NDUFS6: variants seen among roughly 807,000 people sequenced by gnomAD.
NDUFS6 encodes NADH:ubiquinone oxidoreductase subunit S6, also known as NADH dehydrogenase [ubiquinone] iron-sulfur protein 6, mitochondrial.
NDUFS6 carries 14 observed loss-of-function variants against 13.2 expected under a neutral mutation model. That is an observed-to-expected ratio of 1.06 (90% CI 0.70 to 1.66). The LOEUF is 1.66. NDUFS6 is among the 40% of genes most tolerant of loss of function. NDUFS6 has a pLI of 0.00. For missense variants in NDUFS6, 206 were observed against 170.8 expected, an observed-to-expected ratio of 1.21 and a Z score of -1.15; for synonymous variants, 95 against 72.3, an observed-to-expected ratio of 1.31 and a Z score of -1.60.
chr5:1,815,765 G>GT, intron 3 of NDUFS6, 86 bp from the exon 4 acceptor site: 2 of 1,377,312 alleles, frequency 1.5e-6, no homozygotes, highest in African/African-American at 2.9e-5. Context: ...GACAGTCTAA[G>GT]TTTTATACAT....
chr5:1,809,381 C>CG (rs745664643), intron 2 of NDUFS6, among the ~76,000 whole-genome samples: 1 of 152,172 alleles, frequency 6.6e-6, no homozygotes, highest in Non-Finnish European at 1.5e-5. Context: ...GAACCCAGAG[C>CG]GGGGCTTTGT....
chr5:1,802,584 A>G (rs1734065835), intron 2 of NDUFS6, among the ~76,000 whole-genome samples: 1 of 152,218 alleles, frequency 6.6e-6, no homozygotes, highest in Non-Finnish European at 1.5e-5. Flanking sequence ...TTGTAGCCGT[A>G]GTTCTGGTTT....
intron 3 of NDUFS6, among the ~76,000 whole-genome samples, chr5:1,815,462 G>T (rs2111364235): frequency 6.6e-6 from 1 of 152,364 alleles, no homozygotes; most frequent in Non-Finnish European, 1.5e-5. Context: ...GGCATAAATG[G>T]TTAAGCAGCC....
chr5:1,801,623 G>T, intron 1 of NDUFS6, 74 bp downstream of exon 1: 2 of 1,509,946 alleles, frequency 1.3e-6, no homozygotes, highest in Non-Finnish European at 1.8e-6. Flanking sequence ...GGGCTCGCCG[G>T]GCATCCGCGG....
chr5:1,801,561 T>G lies in NDUFS6; in HGVS notation c.132+12T>G, dbSNP rs1381325256. 1 of 1,576,046 alleles carries G rather than the reference T, an allele frequency of 6.3e-7. No homozygotes were observed. The highest frequency in any genetic ancestry group is 1.8e-5 in the Admixed American group (1 of 56,460). ...CGCACACTGGCCAGGTAACGGCCGC[T>G]GGGTACAGGATGCACCTTCCTCCAG... On this transcript the variant is annotated intron_variant, in intron 1 of 3. Transcript: ENST00000274137.
chr5:1,807,752 C>T (rs188615672), intron 2 of NDUFS6, among the ~76,000 whole-genome samples: 32 of 152,348 alleles, frequency 2.1e-4, no homozygotes, highest in South Asian at 2.1e-4. Flanking sequence ...TTGAGGCCAG[C>T]GCAGCACCAC....
At chr5:1,815,763 A>G in intron 3 of NDUFS6, 88 bp from the exon 4 acceptor site, 2 of 1,340,206 alleles carry the variant, frequency 1.5e-6, no homozygotes, top group South Asian at 1.2e-5. Flanking sequence ...CTGACAGTCT[A>G]AGTTTTATAC....
At position 1,810,762 on chromosome 5, in the gene NDUFS6, A is replaced by G. The variant is rs373415109; in HGVS notation, c.187-3577A>G. Among the ~76,000 whole-genome samples the G allele has an allele frequency of 1.4e-3, 211 of 151,814 alleles. 10 individuals carry two copies. The South Asian group carries it at 0.043, about 31-fold the overall frequency. On this transcript the variant is annotated intron_variant, in intron 2 of 3. Coordinates refer to ENST00000274137, the MANE Select transcript of NDUFS6 (RefSeq NM_004553.6). Reference sequence around the variant, plus strand: ...GTGGCCAGTCCGGCTCAGCTCTGCTAATCGTTGTCGGAGTGGCCAGTCTGG... The same window carrying G: ...GTGGCCAGTCCGGCTCAGCTCTGCTGATCGTTGTCGGAGTGGCCAGTCTGG...
chr5:1,801,605 G>A, intron 1 of NDUFS6, 56 bp downstream of exon 1: 3 of 1,526,342 alleles, frequency 2.0e-6, no homozygotes, highest in Non-Finnish European at 1.8e-6. Context: ...CGGGCGACTG[G>A]TGGCAGTGGG....
chr5:1,810,366 T>C (rs1734199457), intron 2 of NDUFS6, among the ~76,000 whole-genome samples: 1 of 152,162 alleles, frequency 6.6e-6, no homozygotes, highest in Non-Finnish European at 1.5e-5. Context: ...GTTCCTTCCC[T>C]CTACATGCAC....
At position 1,814,880 on chromosome 5, in the gene NDUFS6, G is replaced by A. The variant is rs559204395; in HGVS notation, c.309+419G>A. On this transcript the variant is annotated intron_variant, in intron 3 of 3. Coordinates refer to ENST00000274137, the MANE Select transcript of NDUFS6 (RefSeq NM_004553.6). The surrounding 1 kb of genome is among the most constrained non-coding windows in gnomAD (Gnocchi z 4.9). ...GGGTTCCTCCTGGGGCCTCGCTCCG[G>A]GGCTTGCAGATGAGGTCTCCTCCCT... 6.6e-6 allele frequency among the ~76,000 whole-genome samples: 1 copy of A among 152,254 alleles called. No homozygotes were observed. The highest frequency in any genetic ancestry group is 1.5e-5 in the Non-Finnish European group (1 of 68,024).
Position 1,815,989 on chromosome 5 carries a change from G to C in NDUFS6, c.*73G>C. The C allele has an allele frequency of 6.6e-7, 1 of 1,510,930 alleles. No individual in the cohort carries two copies. Among genetic ancestry groups the C allele is most frequent in the Non-Finnish European group, 9.2e-7 (1 of 1,085,766 alleles). The allele number at this position is 1,510,930 out of a possible 1,614,324, so 93.6% of individuals were successfully genotyped here. On this transcript the variant is annotated 3_prime_UTR_variant, in exon 4 of 4. Coordinates refer to ENST00000274137, the MANE Select transcript of NDUFS6 (RefSeq NM_004553.6). ...CGGGGAAGCTGAGCACGTGAAGCTC[G>C]CTGGTTCTGTGCGAAGGGTATTCCT...
At chr5:1,813,645 C>T (rs998149654) in intron 2 of NDUFS6, among the ~76,000 whole-genome samples, 5 of 152,168 alleles carry the variant, frequency 3.3e-5, no homozygotes, top group African/African-American at 1.2e-4. Context: ...AAAGCATCAG[C>T]ACACAAGCAG....
Position 1,814,773 on chromosome 5 carries a change from C to A in NDUFS6, c.309+312C>A. The A allele has an allele frequency of 1.5e-6, 1 of 683,780 alleles. No homozygotes were observed. The highest frequency in any genetic ancestry group is 2.7e-6 in the Non-Finnish European group (1 of 376,050). 42.4% of individuals were successfully genotyped at this position (683,780 alleles called of 1,614,324 possible). On this transcript the variant is annotated intron_variant, in intron 3 of 3. Coordinates refer to ENST00000274137, the MANE Select transcript of NDUFS6 (RefSeq NM_004553.6). The surrounding 1 kb of genome is among the most constrained non-coding windows in gnomAD (Gnocchi z 4.9). ...TCTCAGCTCAGGCTGCCACACACAG[C>A]ACCGCAGGCTGGGGTCGAAAACAAC...
intron 1 of NDUFS6, 59 bp from the exon 2 acceptor site, chr5:1,802,262 G>T (rs1161730662): frequency 5.5e-6 from 8 of 1,442,378 alleles, no homozygotes; most frequent in Non-Finnish European, 7.8e-6. Context: ...TGATTGATAT[G>T]AAGTGACTTT....
In NDUFS6 at chr5:1,801,435, C is replaced by T. The variant is rs757700157; in HGVS notation, c.18C>T (p.Thr6=). 8.7e-6 allele frequency: 14 copies of T among 1,604,982 alleles called. No individual in the cohort carries two copies. The East Asian group carries it at 1.8e-4, about 20-fold the overall frequency. The change falls in exon 1 of 4, where the codon ACC becomes ACT. Residue 6 remains threonine, a synonymous_variant. Transcript: ENST00000274137. MAAAM[T]FCRLLNRCGE... ...GGCGCAAAATGGCGGCGGCGATGAC[C>T]TTCTGCCGGCTGCTGAACCGGTGTG... is the stretch of plus-strand genomic sequence containing the variant.
In NDUFS6 at chr5:1,802,318, C is replaced by A; in HGVS notation, c.133-3C>A. ...CACACATGGTCTTTTTGTTTTTTTC[C>A]AGGTTTATGATGATAAAGACTACAG... On this transcript the variant is annotated splice_polypyrimidine_tract_variant and splice_region_variant and intron_variant, in intron 1 of 3. Coordinates refer to ENST00000274137, the MANE Select transcript of NDUFS6 (RefSeq NM_004553.6). The A allele has an allele frequency of 6.2e-7, 1 of 1,613,216 alleles. No individual in the cohort carries two copies. Among genetic ancestry groups the A allele is most frequent in the South Asian group, 1.1e-5 (1 of 90,882 alleles).
At chr5:1,804,492 G>A (rs541757988) in intron 2 of NDUFS6, among the ~76,000 whole-genome samples, 1 of 152,338 alleles carries the variant, frequency 6.6e-6, no homozygotes, top group Admixed American at 6.5e-5. Context: ...GCTCCAGCCG[G>A]CCTAGCCTCC....
chr5:1,815,324 C>T (rs1579219062), intron 3 of NDUFS6, among the ~76,000 whole-genome samples: 1 of 152,070 alleles, frequency 6.6e-6, no homozygotes. Flanking sequence ...GGGACTCAGG[C>T]GGCTGCTGGG....
Sources: gnomAD v4.1 joint callset for allele counts (sites outside exome capture counted in the v4.1 genomes callset) on GRCh38, gnomAD v4.1.1 for gene constraint, Gnocchi (gnomAD v3.1) non-coding constraint, MANE v1.5 for transcripts, NCBI Gene and HGNC (gene_info 2026-07-23, HGNC 2026-07-21) for gene names.